The following GPSM2 variants were observed in gnomAD, a reference collection of about 807,000 sequenced individuals.
The protein encoded by GPSM2 is G protein-signaling modulator 2.
A neutral mutation model predicts 78.4 loss-of-function variants in GPSM2; 58 were observed. That is an observed-to-expected ratio of 0.74 (90% CI 0.60 to 0.92). The LOEUF (loss-of-function observed/expected upper bound fraction) is 0.92. Ranked by LOEUF, GPSM2 falls within the 40% of genes least tolerant of loss-of-function variation. The pLI is 0.00. For missense variants in GPSM2, 700 were observed against 815.5 expected (o/e 0.86, Z 1.73); for synonymous variants, 224 against 280.2 (o/e 0.80, Z 2.00).
At chr1:108,899,737 T>A (rs926539635) in intron 7 of GPSM2, among the ~76,000 whole-genome samples, 1 of 152,224 alleles carries the variant, frequency 6.6e-6, no homozygotes, top group African/African-American at 2.4e-5. Flanking sequence ...GCAGTTTGAC[T>A]AAACCGAAGA....
chr1:108,888,287 G>T (rs1428496957), intron 2 of GPSM2, among the ~76,000 whole-genome samples: 1 of 151,716 alleles, frequency 6.6e-6, no homozygotes, highest in Non-Finnish European at 1.5e-5. Context: ...CCTGACCTCG[G>T]GTGATCCACC....
At position 108,931,080 on chromosome 1, in the gene GPSM2, G is replaced by T; in HGVS notation, c.*1140G>T. The T allele has an allele frequency of 6.7e-6, 2 of 297,798 alleles. No individual in the cohort carries two copies. 18.4% of individuals were successfully genotyped at this position (297,798 alleles called of 1,614,324 possible). A position where few individuals can be genotyped will look rare whatever the true frequency, so the allele number is the denominator to read the frequency against. On this transcript the variant is annotated 3_prime_UTR_variant, in exon 15 of 15. Coordinates refer to ENST00000264126, the MANE Select transcript of GPSM2 (RefSeq NM_013296.5). ...AAAACAAGTATCTTTTGTGTGTTTT[G>T]GGCTGTTTAAAAAAATTATTTAAAA... is the stretch of plus-strand genomic sequence containing the variant.
intron 12 of GPSM2, among the ~76,000 whole-genome samples, chr1:108,921,946 C>G (rs1650742700): frequency 6.6e-6 from 1 of 152,116 alleles, no homozygotes; most frequent in African/African-American, 2.4e-5. Context: ...ATAGTTCTTG[C>G]TCTCCTCACA....
At chr1:108,883,234 T>C (rs1647257809) in intron 1 of GPSM2, among the ~76,000 whole-genome samples, 1 of 152,242 alleles carries the variant, frequency 6.6e-6, no homozygotes, top group Non-Finnish European at 1.5e-5. Context: ...TGTTTCTTTC[T>C]ACCTTCCCTC....
In GPSM2 at chr1:108,933,562, T is replaced by G. The variant is rs1433157257; in HGVS notation, c.*3622T>G. The G allele has an allele frequency of 6.6e-6, 1 of 152,268 alleles. No individual in the cohort carries two copies. Among genetic ancestry groups the G allele is most frequent in the Non-Finnish European group, 1.5e-5 (1 of 68,052 alleles). The allele number at this position is 152,268 out of a possible 1,614,324, so 9.4% of individuals were successfully genotyped here. ...GGATACAAATATCTGCATGAAAATT[T>G]AAAGACTTTATTCCTGACTGGTATC... On this transcript the variant is annotated 3_prime_UTR_variant, in exon 15 of 15. Transcript: ENST00000264126.
At chr1:108,890,254 G>T (rs922509467) in intron 2 of GPSM2, among the ~76,000 whole-genome samples, 1 of 152,168 alleles carries the variant, frequency 6.6e-6, no homozygotes, top group South Asian at 2.1e-4. Flanking sequence ...CAGCAGCCAT[G>T]ATAATTAGCA....
rs545933726 is a variant in GPSM2 at position 108,912,567 on chromosome 1, CCT to C, written c.1193-1770_1193-1769del. Among the ~76,000 whole-genome samples the C allele has an allele frequency of 1.3e-3, 197 of 146,046 alleles. 1 individual carries two copies. The highest frequency in any genetic ancestry group is 4.8e-3 in the African/African-American group (185 of 38,860). On this transcript the variant is annotated intron_variant, in intron 10 of 14. Coordinates refer to ENST00000264126, the MANE Select transcript of GPSM2 (RefSeq NM_013296.5). The stretch of plus-strand genomic sequence containing the variant: ...AGACCAGCCTGGGCAACATAGGACC[CCT>C]GTCTGTATAAAAAAAAAAAAAAAAA...
intron 2 of GPSM2, among the ~76,000 whole-genome samples, chr1:108,894,828 T>C (rs1455913459): frequency 6.6e-6 from 1 of 152,214 alleles, no homozygotes; most frequent in Non-Finnish European, 1.5e-5. Context: ...CTGCTTGTTC[T>C]AAACCAGAAG....
At chr1:108,903,542 A>G (rs139015907) in intron 9 of GPSM2, among the ~76,000 whole-genome samples, 4 of 152,246 alleles carry the variant, frequency 2.6e-5, no homozygotes, top group African/African-American at 4.8e-5. Flanking sequence ...AAGGAAAAGC[A>G]TGGTTCTTAG....
intron 2 of GPSM2, 102 bp from the exon 3 acceptor site, chr1:108,896,762 C>T (rs2101396001): frequency 1.1e-6 from 1 of 897,412 alleles, no homozygotes; most frequent in Non-Finnish European, 1.9e-6. Flanking sequence ...AGGCAGCTGC[C>T]CTGAACAAGA....
chr1:108,931,155 C>A lies in GPSM2; in HGVS notation c.*1215C>A. 3.1e-6 allele frequency: 2 copies of A among 648,972 alleles called. No individual in the cohort carries two copies. The highest frequency in any genetic ancestry group is 4.8e-6 in the Non-Finnish European group (2 of 415,820). 40.2% of individuals were successfully genotyped at this position (648,972 alleles called of 1,614,324 possible). On this transcript the variant is annotated 3_prime_UTR_variant, in exon 15 of 15. Transcript: ENST00000264126. The stretch of plus-strand genomic sequence containing the variant: ...GCTGTAAAACAAACTTTTCTAAGTT[C>A]TAATATAAAAACAAAAAACAAAACC...
rs777237521 is a variant in GPSM2 at position 108,929,930 on chromosome 1, C to G, written c.2045C>G (p.Ala682Gly). The change falls in exon 15 of 15, where the codon GCA (alanine) becomes GGA (glycine). Residue 682 changes from alanine (A) to glycine (G), a missense_variant. Ala to Gly is a moderately conservative substitution (Grantham distance 60). Coordinates refer to ENST00000264126, the MANE Select transcript of GPSM2 (RefSeq NM_013296.5). ...TTTAAAAATTCAGGGAAAAAATCGGCAGACCATTAGTTACTATGGATTTAT... is the reference window on the plus strand; with the variant it reads ...TTTAAAAATTCAGGGAAAAAATCGGGAGACCATTAGTTACTATGGATTTAT... ...LEFKNSGKKS[A>G]DH 1.2e-6 allele frequency: 2 copies of G among 1,613,244 alleles called. No homozygotes were observed. Among genetic ancestry groups the G allele is most frequent in the South Asian group, 2.2e-5 (2 of 91,044 alleles).
At chr1:108,927,710 C>T (rs887767132) in intron 14 of GPSM2, among the ~76,000 whole-genome samples, 12 of 152,194 alleles carry the variant, frequency 7.9e-5, no homozygotes, top group African/African-American at 1.4e-4. Flanking sequence ...TGGCTTATAC[C>T]TGTAATCCCA....
rs375261429 is a variant in GPSM2 at position 108,899,003 on chromosome 1, A to G, written c.797+9A>G. The G allele has an allele frequency of 1.3e-5, 18 of 1,383,638 alleles. 1 individual carries two copies. The highest frequency in any genetic ancestry group is 8.4e-5 in the Admixed American group (5 of 59,690). 85.7% of individuals were successfully genotyped at this position (1,383,638 alleles called of 1,614,324 possible). On this transcript the variant is annotated intron_variant, in intron 7 of 14. Coordinates refer to ENST00000264126, the MANE Select transcript of GPSM2 (RefSeq NM_013296.5). The stretch of plus-strand genomic sequence containing the variant: ...GCCTCGGAATACTACAAGTTAGTCT[A>G]ATATTTCTGTAGATAAATGTAAAAT...
At chr1:108,912,444 A>G (rs1649824265) in intron 10 of GPSM2, among the ~76,000 whole-genome samples, 1 of 152,102 alleles carries the variant, frequency 6.6e-6, no homozygotes, top group Admixed American at 6.6e-5. Flanking sequence ...GATTTAGAGC[A>G]GTAATAGTGA....
intron 1 of GPSM2, among the ~76,000 whole-genome samples, chr1:108,878,188 A>C (rs1360874426): frequency 6.6e-6 from 1 of 152,192 alleles, no homozygotes; most frequent in African/African-American, 2.4e-5. Context: ...GAGCAGCTTT[A>C]GTTGATTGTT....
At chr1:108,922,731 G>GT (rs1650818753) in intron 13 of GPSM2, among the ~76,000 whole-genome samples, 155 bp downstream of exon 13, 1 of 152,132 alleles carries the variant, frequency 6.6e-6, no homozygotes, top group South Asian at 2.1e-4. Flanking sequence ...TTCAAACAAG[G>GT]TTTTTTCAGT....
chr1:108,928,988 CAAAAAAAA>C (rs58261746), intron 14 of GPSM2, among the ~76,000 whole-genome samples: 2 of 104,590 alleles, frequency 1.9e-5, no homozygotes, highest in South Asian at 3.2e-4. Context: ...GAATCCGTCT[CAAAAAAAA>C]AAAAAAAAAA....
chr1:108,892,293 G>A (rs1648027872), intron 2 of GPSM2, among the ~76,000 whole-genome samples: 1 of 152,168 alleles, frequency 6.6e-6, no homozygotes, highest in South Asian at 2.1e-4. Context: ...ATGGTTTTAT[G>A]TTTTGCATTC....
Sources: gnomAD v4.1 joint callset for allele counts (sites outside exome capture counted in the v4.1 genomes callset) on GRCh38, gnomAD v4.1.1 for gene constraint, MANE v1.5 for transcripts, NCBI Gene and HGNC (gene_info 2026-07-23, HGNC 2026-07-21) for gene names.